The following PCDH15 variants were observed in gnomAD, a reference collection of about 807,000 sequenced individuals.
The protein encoded by PCDH15 is protocadherin-15.
PCDH15 carries 129 observed loss-of-function variants against 178.5 expected under a neutral mutation model. The observed-to-expected ratio is 0.72, with a 90% CI of 0.63 to 0.84. The LOEUF is 0.84. Among genes scored for constraint, PCDH15 ranks in the 40% least tolerant of loss-of-function variants. The pLI is 0.00. For missense variants in PCDH15, 2,230 were observed against 2,099.9 expected, an observed-to-expected ratio of 1.06 and a Z score of -1.21; for synonymous variants, 800 against 732.0, an observed-to-expected ratio of 1.09 and a Z score of -1.50.
At chr10:55,627,032 G>A (rs1837543070) in intron 2 of PCDH15, among the ~76,000 whole-genome samples, 1 of 152,130 alleles carries the variant, frequency 6.6e-6, no homozygotes, top group Non-Finnish European at 1.5e-5. Flanking sequence ...AGGAAAGTGA[G>A]AGACAGAAAG....
At chr10:55,345,524 A>G (rs1242848236) in intron 2 of PCDH15, among the ~76,000 whole-genome samples, 1 of 152,050 alleles carries the variant, frequency 6.6e-6, no homozygotes, top group Non-Finnish European at 1.5e-5. Context: ...TCGGTCCTGT[A>G]CTCTATAAAT....
intron 2 of PCDH15, among the ~76,000 whole-genome samples, chr10:55,385,538 T>C (rs914681633): frequency 2.6e-5 from 4 of 151,780 alleles, no homozygotes; most frequent in Non-Finnish European, 4.4e-5. Flanking sequence ...TTTATGACAG[T>C]TATTATGTAG....
At chr10:54,470,345 C>A (rs1419161709) in intron 3 of PCDH15, among the ~76,000 whole-genome samples, 2 of 152,158 alleles carry the variant, frequency 1.3e-5, no homozygotes, top group African/African-American at 2.4e-5. Context: ...GGGTCACTGT[C>A]AGTGCCTCAT....
chr10:54,198,215 A>T (rs183629741), intron 10 of PCDH15, among the ~76,000 whole-genome samples: 4 of 152,182 alleles, frequency 2.6e-5, no homozygotes, highest in Admixed American at 6.5e-5. Flanking sequence ...CGAGCGATGG[A>T]TGTTCTTTTA....
At chr10:54,188,302 C>A (rs1216364508) in intron 11 of PCDH15, among the ~76,000 whole-genome samples, 1 of 151,760 alleles carries the variant, frequency 6.6e-6, no homozygotes, top group Non-Finnish European at 1.5e-5. Context: ...CTCTTTTAAT[C>A]ATGTTAGAGT....
At position 53,938,829 on chromosome 10, in the gene PCDH15, C is replaced by G; in HGVS notation, c.3359G>C (p.Arg1120Pro). 2 of 1,613,220 alleles carry G rather than the reference C, an allele frequency of 1.2e-6. No homozygotes were observed. The highest frequency in any genetic ancestry group is 1.7e-6 in the Non-Finnish European group (2 of 1,179,556). ...GTATAACTTACTTTTTGAAGGAACTCGGAGATTGGCAAGGACCACTTCCAG... is the reference window on the plus strand; with the variant it reads ...GTATAACTTACTTTTTGAAGGAACTGGGAGATTGGCAAGGACCACTTCCAG... The part of the protein sequence containing the change: ...DSLEVVLANL[R>P]VPSKSNTAKV... Residue 1120 changes from arginine (R) to proline (P), a missense_variant, in exon 25 of 38, where the codon CGA becomes CCA. Physicochemically the swap from Arg to Pro is moderately radical, Grantham distance 103. Transcript: ENST00000644397.
chr10:54,131,223 T>C (rs1405430376), intron 15 of PCDH15, among the ~76,000 whole-genome samples: 2 of 152,186 alleles, frequency 1.3e-5, no homozygotes, highest in Admixed American at 6.5e-5. Context: ...ACAAGTAAAA[T>C]TATGTCTTAC....
At chr10:54,122,406 G>A (rs2041613311) in intron 15 of PCDH15, among the ~76,000 whole-genome samples, 1 of 151,962 alleles carries the variant, frequency 6.6e-6, no homozygotes, top group Non-Finnish European at 1.5e-5. Flanking sequence ...CCCATAGCCA[G>A]CATCATATTG....
chr10:55,485,392 A>G (rs972627018), intron 2 of PCDH15, among the ~76,000 whole-genome samples: 2 of 151,728 alleles, frequency 1.3e-5, no homozygotes, highest in Non-Finnish European at 2.9e-5. Flanking sequence ...TTGCAACCTC[A>G]GGCATAAATG....
chr10:54,484,042 A>G (rs2136974326), intron 3 of PCDH15, among the ~76,000 whole-genome samples: 2 of 151,970 alleles, frequency 1.3e-5, no homozygotes, highest in South Asian at 2.1e-4. Flanking sequence ...GTCCTTCATA[A>G]TCTTCAGAAA....
chr10:55,034,983 C>A (rs2131970334), intron 2 of PCDH15, among the ~76,000 whole-genome samples: 1 of 152,202 alleles, frequency 6.6e-6, no homozygotes, highest in Middle Eastern at 3.4e-3. Context: ...TCTCTGGAGG[C>A]ATGATCTGGG....
At chr10:54,056,179 A>C (rs187081091) in intron 18 of PCDH15, among the ~76,000 whole-genome samples, 2 of 152,284 alleles carry the variant, frequency 1.3e-5, no homozygotes, top group East Asian at 3.9e-4. Context: ...GAATGTGTAA[A>C]AATCAAATCA....
intron 15 of PCDH15, among the ~76,000 whole-genome samples, chr10:54,108,080 G>A (rs765803647): frequency 4.5e-4 from 69 of 152,160 alleles, no homozygotes; most frequent in Admixed American, 2.1e-3. Flanking sequence ...GCAGTCTACA[G>A]TGGGATGTCA....
At chr10:54,718,052 A>G (rs1362244608) in intron 1 of PCDH15, among the ~76,000 whole-genome samples, 3 of 149,868 alleles carry the variant, frequency 2.0e-5, no homozygotes, top group Non-Finnish European at 4.4e-5. Flanking sequence ...ATAGATGGGA[A>G]TTGAACAATG....
chr10:55,468,606 G>A (rs1839890659), intron 2 of PCDH15: 1 of 152,132 alleles, frequency 6.6e-6, no homozygotes, highest in African/African-American at 2.4e-5. Flanking sequence ...TATCTGAACA[G>A]TCTAAATAAA....
At chr10:55,114,586 T>C (rs1223329970) in intron 2 of PCDH15, among the ~76,000 whole-genome samples, 4 of 152,198 alleles carry the variant, frequency 2.6e-5, no homozygotes, top group Admixed American at 2.6e-4. Flanking sequence ...GTTAGGCCAA[T>C]GTGGTATGAA....
intron 2 of PCDH15, among the ~76,000 whole-genome samples, chr10:54,578,874 A>T (rs1467879337): frequency 6.6e-6 from 1 of 152,144 alleles, no homozygotes; most frequent in Non-Finnish European, 1.5e-5. Context: ...ACTTAAACTA[A>T]TAATTTCATA....
At chr10:53,935,624 A>G (rs1489997045) in intron 25 of PCDH15, among the ~76,000 whole-genome samples, 1 of 152,236 alleles carries the variant, frequency 6.6e-6, no homozygotes, top group African/African-American at 2.4e-5. Flanking sequence ...GCTACAGCAG[A>G]GTAGAGTAGT....
chr10:53,993,391 A>T (rs1451986292), intron 21 of PCDH15, among the ~76,000 whole-genome samples: 1 of 152,212 alleles, frequency 6.6e-6, no homozygotes, highest in Admixed American at 6.5e-5. Context: ...ACAAACTGAA[A>T]TAAGTTTTGA....
Sources: allele counts gnomAD v4.1 joint callset (sites outside exome capture counted in the v4.1 genomes callset), GRCh38; gene constraint gnomAD v4.1.1; transcripts MANE v1.5; gene names NCBI Gene and HGNC (gene_info 2026-07-23, HGNC 2026-07-21).